Variants in SPOCK1 observed in about 807,000 individuals in gnomAD.
SPOCK1 encodes testican-1.
SPOCK1 carries 23 observed loss-of-function variants against 55.3 expected under a neutral mutation model. The observed-to-expected ratio is 0.42, with a 90% CI of 0.30 to 0.59. The LOEUF is 0.59. Among genes scored for constraint, SPOCK1 ranks in the 20% least tolerant of loss-of-function variants. The probability of loss-of-function intolerance (pLI) is 0.22; values close to 1 mark genes in which losing one functional copy is unlikely to be tolerated. For missense variants in SPOCK1, 499 were observed against 552.5 expected (o/e 0.90, Z 0.97); for synonymous variants, 226 against 221.0 (o/e 1.02, Z -0.20).
At chr5:137,141,378 T>C (rs1165958110) in intron 3 of SPOCK1, among the ~76,000 whole-genome samples, 1 of 152,222 alleles carries the variant, frequency 6.6e-6, no homozygotes, top group East Asian at 1.9e-4. Flanking sequence ...TGCCTAAGTT[T>C]ACTTATTTCC....
intron 2 of SPOCK1, among the ~76,000 whole-genome samples, chr5:137,395,753 G>A (rs1751833474): frequency 6.6e-6 from 1 of 152,224 alleles, no homozygotes; most frequent in African/African-American, 2.4e-5. Context: ...AAGGCGTGGA[G>A]CTGTATTCTT....
chr5:137,157,451 T>C (rs895713017), intron 3 of SPOCK1, among the ~76,000 whole-genome samples: 1 of 152,236 alleles, frequency 6.6e-6, no homozygotes, highest in Non-Finnish European at 1.5e-5. Context: ...CCTACTAGGT[T>C]GGACCCTGCT....
intron 3 of SPOCK1, among the ~76,000 whole-genome samples, chr5:137,197,427 G>C (rs1755321828): frequency 6.6e-6 from 1 of 152,160 alleles, no homozygotes; most frequent in African/African-American, 2.4e-5. Context: ...ACAAGTCACT[G>C]TGCCACTCTG....
chr5:137,296,395 T>G (rs991619234), intron 2 of SPOCK1, among the ~76,000 whole-genome samples: 4 of 152,138 alleles, frequency 2.6e-5, no homozygotes, highest in African/African-American at 7.2e-5. Context: ...GGACGTCATT[T>G]CTAGTCACGA....
intron 2 of SPOCK1, among the ~76,000 whole-genome samples, chr5:137,346,496 T>G (rs1029953658): frequency 6.6e-6 from 1 of 152,170 alleles, no homozygotes; most frequent in Non-Finnish European, 1.5e-5. Flanking sequence ...AATCAGCCCT[T>G]GATTAACATT....
intron 2 of SPOCK1, among the ~76,000 whole-genome samples, chr5:137,496,667 GC>G (rs1199599907): frequency 3.3e-5 from 5 of 152,132 alleles, no homozygotes; most frequent in Non-Finnish European, 7.3e-5. Flanking sequence ...AATTATCTCT[GC>G]CCCAGGTGAA....
chr5:137,445,317 T>C (rs1371486625), intron 2 of SPOCK1, among the ~76,000 whole-genome samples: 1 of 152,238 alleles, frequency 6.6e-6, no homozygotes, highest in Non-Finnish European at 1.5e-5. Flanking sequence ...TACAAAATGC[T>C]ATTCACATTG....
intron 2 of SPOCK1, among the ~76,000 whole-genome samples, chr5:137,464,807 G>C (rs1378139230): frequency 1.3e-5 from 2 of 152,212 alleles, no homozygotes; most frequent in African/African-American, 2.4e-5. Context: ...GAACCTAGGA[G>C]AATAACCTGG....
chr5:137,142,006 G>C (rs1164673385), intron 3 of SPOCK1, among the ~76,000 whole-genome samples: 3 of 152,148 alleles, frequency 2.0e-5, no homozygotes, highest in Non-Finnish European at 4.4e-5. Context: ...AAGAGGCCTC[G>C]GGGAATTCTC....
chr5:137,063,386 A>C (rs946215462), intron 6 of SPOCK1, among the ~76,000 whole-genome samples: 6 of 151,726 alleles, frequency 4.0e-5, no homozygotes, highest in Non-Finnish European at 5.9e-5. Context: ...ACAACAAAAA[A>C]ATCTTGGCTT....
At chr5:137,155,873 C>A (rs1320914479) in intron 3 of SPOCK1, among the ~76,000 whole-genome samples, 1 of 152,198 alleles carries the variant, frequency 6.6e-6, no homozygotes. Flanking sequence ...TGTTAGAGGG[C>A]AGACCCACTG....
intron 2 of SPOCK1, among the ~76,000 whole-genome samples, chr5:137,468,909 C>T (rs1306984391): frequency 6.6e-6 from 1 of 152,166 alleles, no homozygotes; most frequent in Non-Finnish European, 1.5e-5. Flanking sequence ...TGTCCCCTCA[C>T]CCACCTCATC....
chr5:136,979,734 C>A (rs898743226), intron 9 of SPOCK1, among the ~76,000 whole-genome samples: 1 of 152,124 alleles, frequency 6.6e-6, no homozygotes, highest in African/African-American at 2.4e-5. Context: ...TGGGCACTGA[C>A]CTAAATCGTG....
At chr5:137,130,064 T>A (rs1252555027) in intron 4 of SPOCK1, among the ~76,000 whole-genome samples, 1 of 152,190 alleles carries the variant, frequency 6.6e-6, no homozygotes, top group Non-Finnish European at 1.5e-5. Flanking sequence ...GGTCCAGGAA[T>A]GAGTGAAGAC....
intron 2 of SPOCK1, among the ~76,000 whole-genome samples, chr5:137,448,076 C>T (rs1384291492): frequency 6.6e-6 from 1 of 152,054 alleles, no homozygotes; most frequent in East Asian, 1.9e-4. Context: ...GGTGAAACCC[C>T]ATCTCTACTA....
intron 2 of SPOCK1, among the ~76,000 whole-genome samples, chr5:137,274,721 A>G (rs890782734): frequency 1.3e-5 from 2 of 152,230 alleles, no homozygotes; most frequent in Non-Finnish European, 2.9e-5. Flanking sequence ...ACTGGAAAAA[A>G]TAATTATGAA....
chr5:137,340,188 G>T (rs865912160), intron 2 of SPOCK1, among the ~76,000 whole-genome samples: 1 of 152,144 alleles, frequency 6.6e-6, no homozygotes, highest in African/African-American at 2.4e-5. Context: ...TCTTGATCCC[G>T]GTTTGTTTCA....
chr5:136,988,227 CT>C (rs1561571902), intron 8 of SPOCK1, among the ~76,000 whole-genome samples, 194 bp downstream of exon 8: 1 of 152,180 alleles, frequency 6.6e-6, no homozygotes, highest in African/African-American at 2.4e-5. Flanking sequence ...GATTTATACT[CT>C]TGGTTTTTCT....
chr5:137,228,907 G>A (rs909998310), intron 3 of SPOCK1, among the ~76,000 whole-genome samples: 1 of 152,188 alleles, frequency 6.6e-6, no homozygotes. Flanking sequence ...ATATACTTCT[G>A]CAATCCCGCA....
Sources: gnomAD v4.1 joint callset for allele counts (sites outside exome capture counted in the v4.1 genomes callset) on GRCh38, gnomAD v4.1.1 for gene constraint, MANE v1.5 for transcripts, NCBI Gene and HGNC (gene_info 2026-07-23, HGNC 2026-07-21) for gene names.